Variants in PTPRD observed in about 807,000 individuals in gnomAD.
The protein encoded by PTPRD is receptor-type tyrosine-protein phosphatase delta.
In PTPRD, 34 loss-of-function variants were observed where a neutral mutation model predicts 214.5. The observed-to-expected ratio is 0.16, with a 90% confidence interval of 0.12 to 0.21. The LOEUF is 0.21. Among genes scored for constraint, PTPRD ranks in the 10% least tolerant of loss-of-function variants. The probability of loss-of-function intolerance (pLI) is 1.00; values close to 1 mark genes in which losing one functional copy is unlikely to be tolerated. For synonymous variants in PTPRD, 1,128 were observed against 845.7 expected, an observed-to-expected ratio of 1.33 and a Z score of -5.79; for missense variants, 2,545 against 2,398.7, an observed-to-expected ratio of 1.06 and a Z score of -1.27.
chr9:9,962,269 AT>A (rs1411112830), intron 4 of PTPRD, among the ~76,000 whole-genome samples: 2 of 152,024 alleles, frequency 1.3e-5, no homozygotes, highest in African/African-American at 2.4e-5. Flanking sequence ...TTTGAGGTTC[AT>A]TTTAAGACAA....
intron 5 of PTPRD, among the ~76,000 whole-genome samples, chr9:9,797,568 G>A (rs1269510586): frequency 3.9e-5 from 6 of 152,158 alleles, no homozygotes; most frequent in East Asian, 3.9e-4. Context: ...CTGTCAGGTC[G>A]TGCATGGTGG....
intron 39 of PTPRD, among the ~76,000 whole-genome samples, chr9:8,352,795 GT>G (rs907962478): frequency 6.6e-6 from 1 of 152,162 alleles, no homozygotes; most frequent in Non-Finnish European, 1.5e-5. Context: ...AATGCCAGGA[GT>G]TTTTTGGTTT....
chr9:8,606,600 C>A (rs2095227869), intron 14 of PTPRD, among the ~76,000 whole-genome samples: 1 of 152,192 alleles, frequency 6.6e-6, no homozygotes, highest in African/African-American at 2.4e-5. Context: ...GGGCACCAAG[C>A]TTTACTTCAC....
chr9:10,162,676 C>T (rs894398424), intron 3 of PTPRD, among the ~76,000 whole-genome samples: 1 of 145,552 alleles, frequency 6.9e-6, no homozygotes, highest in African/African-American at 2.5e-5. Context: ...TATGTATATA[C>T]ATGTATATAT....
intron 5 of PTPRD, among the ~76,000 whole-genome samples, chr9:9,832,705 A>G (rs969972908): frequency 2.6e-5 from 4 of 151,982 alleles, no homozygotes; most frequent in Admixed American, 6.6e-5. Context: ...AGACATAGAC[A>G]CTTTCCTATC....
intron 11 of PTPRD, among the ~76,000 whole-genome samples, chr9:8,983,319 T>C (rs1349859276): frequency 6.6e-6 from 1 of 152,002 alleles, no homozygotes; most frequent in East Asian, 1.9e-4. Context: ...TAGATGACAA[T>C]GTCAAATAAG....
chr9:9,518,893 T>C (rs1224572912), intron 8 of PTPRD, among the ~76,000 whole-genome samples: 1 of 152,010 alleles, frequency 6.6e-6, no homozygotes, highest in Non-Finnish European at 1.5e-5. Context: ...CCTCCCTTGA[T>C]TAATTTGCTC....
chr9:8,978,867 T>C (rs1005651311), intron 11 of PTPRD, among the ~76,000 whole-genome samples: 2 of 152,168 alleles, frequency 1.3e-5, no homozygotes, highest in East Asian at 3.9e-4. Flanking sequence ...ACTTTACTGC[T>C]AATGATTCCT....
At chr9:10,581,930 T>G (rs2071999876) in intron 2 of PTPRD, among the ~76,000 whole-genome samples, 1 of 152,182 alleles carries the variant, frequency 6.6e-6, no homozygotes, top group South Asian at 2.1e-4. Flanking sequence ...TTTCAATCAT[T>G]ATCACAAATA....
Position 9,373,356 on chromosome 9 carries a change from T to C in PTPRD, c.-203+24093A>G, listed in dbSNP as rs184668118. On this transcript the variant is annotated intron_variant, in intron 9 of 45. Coordinates refer to ENST00000381196, the MANE Select transcript of PTPRD (RefSeq NM_002839.4). Reference sequence around the variant, plus strand: ...AAGAGTACCTAACACCTAGAAACCTTGTAGAAATGCTTGTTATTAGTATTT... The same window carrying C: ...AAGAGTACCTAACACCTAGAAACCTCGTAGAAATGCTTGTTATTAGTATTT... 2.6e-3 allele frequency among the ~76,000 whole-genome samples: 397 copies of C among 152,208 alleles called. 2 individuals are homozygous for C. Among genetic ancestry groups the C allele is most frequent in the Middle Eastern group, 0.014 (4 of 292 alleles).
chr9:9,741,359 A>AT (rs34274995), intron 6 of PTPRD, among the ~76,000 whole-genome samples: 75,499 of 151,610 alleles, frequency 0.5, 22,525 homozygotes, highest in African/African-American at 0.83. Flanking sequence ...CAAAAATAGA[A>AT]TTTTTTTTAC....
intron 2 of PTPRD, among the ~76,000 whole-genome samples, chr9:10,521,001 G>A (rs1392894219): frequency 6.6e-6 from 1 of 151,588 alleles, no homozygotes; most frequent in Non-Finnish European, 1.5e-5. Context: ...TATGGATCAA[G>A]GAGTAAATTT....
chr9:9,403,320 A>T (rs1424297736), intron 8 of PTPRD, among the ~76,000 whole-genome samples: 1 of 150,834 alleles, frequency 6.6e-6, no homozygotes, highest in African/African-American at 2.4e-5. Context: ...AACCAAAACA[A>T]AAAACCCAGA....
chr9:8,521,766 C>T (rs1351777579), intron 19 of PTPRD, among the ~76,000 whole-genome samples: 1 of 152,112 alleles, frequency 6.6e-6, no homozygotes, highest in African/African-American at 2.4e-5. Context: ...ATATCTTAGA[C>T]ACACTAATAC....
intron 2 of PTPRD, among the ~76,000 whole-genome samples, chr9:10,561,436 C>A (rs951699807): frequency 1.1e-4 from 17 of 152,080 alleles, no homozygotes; most frequent in African/African-American, 4.1e-4. Flanking sequence ...TTCTCCACTG[C>A]AACTTGATTA....
intron 9 of PTPRD, among the ~76,000 whole-genome samples, chr9:9,247,287 A>G (rs1292598367): frequency 1.3e-5 from 2 of 152,046 alleles, no homozygotes; most frequent in South Asian, 4.1e-4. Context: ...TTCCCAACTC[A>G]GTCTATTACT....
intron 4 of PTPRD, among the ~76,000 whole-genome samples, chr9:10,030,098 G>C (rs191403670): frequency 3.7e-4 from 57 of 152,274 alleles, no homozygotes; most frequent in African/African-American, 1.3e-3. Context: ...CCATGATTGT[G>C]AGGCCTCCCC....
intron 2 of PTPRD, among the ~76,000 whole-genome samples, chr9:10,479,017 A>T (rs564817927): frequency 6.6e-6 from 1 of 152,244 alleles, no homozygotes; most frequent in East Asian, 1.9e-4. Context: ...AACGATGAAA[A>T]CTTTTCAAAC....
chr9:10,530,783 A>G (rs572064436), intron 2 of PTPRD, among the ~76,000 whole-genome samples: 50 of 152,314 alleles, frequency 3.3e-4, no homozygotes, highest in African/African-American at 1.1e-3. Flanking sequence ...AAAAATTCAC[A>G]TGTTAAAACA....
Sources: gnomAD v4.1 joint callset for allele counts (sites outside exome capture counted in the v4.1 genomes callset) on GRCh38, gnomAD v4.1.1 for gene constraint, MANE v1.5 for transcripts, NCBI Gene and HGNC (gene_info 2026-07-23, HGNC 2026-07-21) for gene names.